AGO3: variants seen among roughly 807,000 people sequenced by gnomAD.
AGO3 encodes the protein protein argonaute-3.
AGO3 carries 16 observed loss-of-function variants against 105.5 expected under a neutral mutation model. The ratio of observed to expected loss-of-function variants is 0.15; its 90% CI spans 0.10 to 0.23. The LOEUF is 0.23. Among genes scored for constraint, AGO3 ranks in the 10% least tolerant of loss-of-function variants. The probability of loss-of-function intolerance (pLI) is 1.00; values close to 1 mark genes in which losing one functional copy is unlikely to be tolerated. For missense variants in AGO3, 534 were observed against 1,088.0 expected, an observed-to-expected ratio of 0.49 and a Z score of 7.16; for synonymous variants, 340 against 367.3, an observed-to-expected ratio of 0.93 and a Z score of 0.85.
chr1:35,996,169 T>G lies in AGO3; in HGVS notation c.659-8172T>G, dbSNP rs183295751. Among the ~76,000 whole-genome samples, 1,008 of 151,824 alleles carry G rather than the reference T, an allele frequency of 6.6e-3. 8 individuals carry two copies. The highest frequency in any genetic ancestry group is 0.023 in the African/African-American group (959 of 41,392). ...GCCTGGGCAACATAGTAAAAAAATTTTTTTAATTAGCTGAGCGTGGTGGTG... is the reference window on the plus strand; with the variant it reads ...GCCTGGGCAACATAGTAAAAAAATTGTTTTAATTAGCTGAGCGTGGTGGTG... On this transcript the variant is annotated intron_variant, in intron 5 of 18. Transcript: ENST00000373191.
rs1028886808 is a variant in AGO3, at chr1:35,931,162, G to A, written c.-265G>A. On this transcript the variant is annotated 5_prime_UTR_variant, in exon 1 of 19. Coordinates refer to ENST00000373191, the MANE Select transcript of AGO3 (RefSeq NM_024852.4). ...AGCGGTGGGAGCGTCGGCGGCCGCG[G>A]GCGATGCAACTTCCGGACGGGACTC... 4 of 397,762 alleles carry A rather than the reference G, an allele frequency of 1.0e-5. No homozygotes were observed. The highest frequency in any genetic ancestry group is 1.2e-4 in the South Asian group (1 of 8,104). The allele number at this position is 397,762 out of a possible 1,614,324, so 24.6% of individuals were successfully genotyped here.
chr1:35,964,375 G>A (rs1283684459), intron 2 of AGO3, among the ~76,000 whole-genome samples: 1 of 152,126 alleles, frequency 6.6e-6, no homozygotes, highest in East Asian at 1.9e-4. Context: ...AGAGCATGCA[G>A]TATTTGGGTT....
chr1:35,986,356 T>C (rs1344442847), intron 5 of AGO3, among the ~76,000 whole-genome samples: 3 of 152,220 alleles, frequency 2.0e-5, no homozygotes, highest in Non-Finnish European at 2.9e-5. Flanking sequence ...AACAGTTAAA[T>C]AAATGAACCA....
At chr1:36,018,440 T>G (rs1557689694) in intron 11 of AGO3, among the ~76,000 whole-genome samples, 1 of 152,104 alleles carries the variant, frequency 6.6e-6, no homozygotes, top group Non-Finnish European at 1.5e-5. Context: ...GTTTTTGTTT[T>G]TTTTTGTTTT....
chr1:35,942,042 T>C (rs1050251516), intron 1 of AGO3, among the ~76,000 whole-genome samples: 2 of 152,194 alleles, frequency 1.3e-5, no homozygotes, highest in African/African-American at 4.8e-5. Flanking sequence ...GTCAAATGAT[T>C]AGATAATTGG....
intron 2 of AGO3, among the ~76,000 whole-genome samples, chr1:35,959,675 C>T (rs1057496262): frequency 6.6e-6 from 1 of 152,038 alleles, no homozygotes; most frequent in Non-Finnish European, 1.5e-5. Flanking sequence ...GATTCCACTC[C>T]TAACCCTATT....
intron 17 of AGO3, among the ~76,000 whole-genome samples, chr1:36,054,236 C>G (rs1418078835): frequency 6.6e-6 from 1 of 152,164 alleles, no homozygotes; most frequent in African/African-American, 2.4e-5. Flanking sequence ...CTTTATACAT[C>G]TTCCCAGCTT....
intron 2 of AGO3, among the ~76,000 whole-genome samples, chr1:35,964,552 G>A (rs911670174): frequency 3.3e-5 from 5 of 152,134 alleles, no homozygotes; most frequent in African/African-American, 9.7e-5. Context: ...TTGATTCCAT[G>A]TCTTTGCTAT....
At chr1:35,996,786 T>G (rs1033743237) in intron 5 of AGO3, among the ~76,000 whole-genome samples, 1 of 138,500 alleles carries the variant, frequency 7.2e-6, no homozygotes, top group Non-Finnish European at 1.6e-5. Flanking sequence ...AAAAAAAAAA[T>G]TATATGTGAA....
At position 36,008,833 on chromosome 1, in the gene AGO3, G is replaced by C; in HGVS notation, c.881+56G>C. On this transcript the variant is annotated intron_variant, in intron 7 of 18. Coordinates refer to ENST00000373191, the MANE Select transcript of AGO3 (RefSeq NM_024852.4). This position sits in a 1 kb window ranked among gnomAD's most constrained non-coding sequence, Gnocchi z 5.1. Reference sequence around the variant, plus strand: ...GTGAGGCAGCTTGCTCTAGTTAGTGGGGTTGGGAGTTTTTCTGGCTCATAA... The same window carrying C: ...GTGAGGCAGCTTGCTCTAGTTAGTGCGGTTGGGAGTTTTTCTGGCTCATAA... The C allele has an allele frequency of 6.2e-7, 1 of 1,613,994 alleles. No homozygotes were observed. Among genetic ancestry groups the C allele is most frequent in the Non-Finnish European group, 8.5e-7 (1 of 1,179,986 alleles).
intron 5 of AGO3, among the ~76,000 whole-genome samples, chr1:35,986,857 G>T (rs189932198): frequency 6.6e-6 from 1 of 151,738 alleles, no homozygotes; most frequent in South Asian, 2.1e-4. Context: ...TTAACCAGGC[G>T]TGATGGTGCA....
intron 2 of AGO3, among the ~76,000 whole-genome samples, chr1:35,949,554 G>C (rs1646431812): frequency 6.6e-6 from 1 of 152,140 alleles, no homozygotes; most frequent in South Asian, 2.1e-4. Flanking sequence ...ACAGTTAAGG[G>C]ACAAAATGCA....
chr1:36,048,978 A>G (rs752135226), intron 17 of AGO3, among the ~76,000 whole-genome samples: 2 of 152,128 alleles, frequency 1.3e-5, no homozygotes, highest in Non-Finnish European at 2.9e-5. Context: ...AAGTGCTGGG[A>G]TTACTGGCGT....
chr1:35,950,018 C>G (rs1259567874), intron 2 of AGO3, among the ~76,000 whole-genome samples: 3 of 152,110 alleles, frequency 2.0e-5, no homozygotes, highest in Non-Finnish European at 4.4e-5. Flanking sequence ...GTCAGGAGAT[C>G]GAGACCATCC....
At chr1:35,961,514 T>C (rs1487743675) in intron 2 of AGO3, among the ~76,000 whole-genome samples, 1 of 152,210 alleles carries the variant, frequency 6.6e-6, no homozygotes, top group Non-Finnish European at 1.5e-5. Flanking sequence ...GTTTTTCACA[T>C]GACAATCTAT....
chr1:35,939,617 C>CT (rs1557641292), intron 1 of AGO3, among the ~76,000 whole-genome samples: 1 of 152,120 alleles, frequency 6.6e-6, no homozygotes. Flanking sequence ...CTAAAATAGT[C>CT]TATCAGAAAA....
intron 17 of AGO3, among the ~76,000 whole-genome samples, chr1:36,051,821 G>A (rs1415362315): frequency 2.6e-5 from 4 of 152,072 alleles, no homozygotes; most frequent in African/African-American, 2.4e-5. Flanking sequence ...CGATCAAGAG[G>A]TATATGAAAA....
chr1:36,008,827 T>C lies in AGO3; in HGVS notation c.881+50T>C, dbSNP rs568676264. 4 of 1,613,902 alleles carry C rather than the reference T, an allele frequency of 2.5e-6. No individual in the cohort carries two copies. The highest frequency in any genetic ancestry group is 3.3e-5 in the Admixed American group (2 of 59,988). The stretch of plus-strand genomic sequence containing the variant: ...GATGGTGTGAGGCAGCTTGCTCTAG[T>C]TAGTGGGGTTGGGAGTTTTTCTGGC... On this transcript the variant is annotated intron_variant, in intron 7 of 18. Transcript: ENST00000373191. This position sits in a 1 kb window ranked among gnomAD's most constrained non-coding sequence, Gnocchi z 5.1.
intron 5 of AGO3, among the ~76,000 whole-genome samples, chr1:35,988,163 A>G (rs1021661394): frequency 1.3e-5 from 2 of 152,216 alleles, no homozygotes; most frequent in African/African-American, 4.8e-5. Context: ...CAGCTAATGT[A>G]TTCAGGTATG....
Sources: gnomAD v4.1 joint callset for allele counts (sites outside exome capture counted in the v4.1 genomes callset) on GRCh38, gnomAD v4.1.1 for gene constraint, Gnocchi (gnomAD v3.1) non-coding constraint, MANE v1.5 for transcripts, NCBI Gene and HGNC (gene_info 2026-07-23, HGNC 2026-07-21) for gene names.